Variants in AFG2A observed in about 807,000 individuals in gnomAD.
AFG2A encodes AAA ATPase AFG2A.
the AFG2A span, among the ~76,000 whole-genome samples, chr4:123,038,746 C>T: frequency 6.6e-6 from 1 of 152,008 alleles, no homozygotes; most frequent in South Asian, 2.1e-4. Context: ...TTGAATTATT[C>T]CAATGCGTAT....
the AFG2A span, among the ~76,000 whole-genome samples, chr4:123,296,292 A>G: frequency 6.6e-6 from 1 of 152,230 alleles, no homozygotes. Context: ...AGGAAGCAAA[A>G]TAAGGAATAT....
chr4:123,204,127 G>C, the AFG2A span, among the ~76,000 whole-genome samples: 1 of 152,098 alleles, frequency 6.6e-6, no homozygotes, highest in Non-Finnish European at 1.5e-5. Flanking sequence ...AGGTAGTTCT[G>C]TTTTAAGGTC....
At chr4:123,034,196 A>G in the AFG2A span, among the ~76,000 whole-genome samples, 5 of 152,138 alleles carry the variant, frequency 3.3e-5, no homozygotes, top group African/African-American at 9.7e-5. Context: ...AGGGCTAACT[A>G]TGTGTCCTCA....
the AFG2A span, among the ~76,000 whole-genome samples, chr4:123,280,690 A>G: frequency 8.5e-5 from 13 of 152,166 alleles, no homozygotes; most frequent in East Asian, 2.3e-3. Flanking sequence ...CCTGTTCCAC[A>G]TTTAAAGGAC....
At chr4:123,235,948 T>C in the AFG2A span, among the ~76,000 whole-genome samples, 1 of 152,208 alleles carries the variant, frequency 6.6e-6, no homozygotes, top group Non-Finnish European at 1.5e-5. Flanking sequence ...CTTAAGTGGA[T>C]ACATTTTAAA....
At chr4:122,994,702 G>A in the AFG2A span, among the ~76,000 whole-genome samples, 1 of 151,222 alleles carries the variant, frequency 6.6e-6, no homozygotes, top group Non-Finnish European at 1.5e-5. Flanking sequence ...ATTTTCTTGT[G>A]AACGCAGTTT....
chr4:122,939,270 A>G, the AFG2A span, among the ~76,000 whole-genome samples: 1 of 151,704 alleles, frequency 6.6e-6, no homozygotes, highest in Non-Finnish European at 1.5e-5. Context: ...TTTTTAGTAG[A>G]GACGGGGTTT....
chr4:123,093,347 T>C, the AFG2A span, among the ~76,000 whole-genome samples: 1 of 151,826 alleles, frequency 6.6e-6, no homozygotes, highest in Non-Finnish European at 1.5e-5. Context: ...TTAACACAAA[T>C]TGATTCTATG....
chr4:123,113,238 G>T, the AFG2A span, among the ~76,000 whole-genome samples: 1 of 152,258 alleles, frequency 6.6e-6, no homozygotes, highest in South Asian at 2.1e-4. Context: ...TGGGATCTTT[G>T]CTAGGAGGAT....
the AFG2A span, among the ~76,000 whole-genome samples, chr4:123,117,070 G>A: frequency 4.6e-5 from 7 of 152,180 alleles, no homozygotes; most frequent in African/African-American, 1.7e-4. Context: ...CCAAGCCTCA[G>A]TTAACACATC....
chr4:122,990,849 A>G, the AFG2A span, among the ~76,000 whole-genome samples: 1 of 152,200 alleles, frequency 6.6e-6, no homozygotes, highest in Admixed American at 6.5e-5. Flanking sequence ...TCAGCCTCCC[A>G]AAGTGCTAAA....
the AFG2A span, among the ~76,000 whole-genome samples, chr4:122,945,925 C>T: frequency 6.6e-6 from 1 of 152,132 alleles, no homozygotes; most frequent in African/African-American, 2.4e-5. Flanking sequence ...AGGGTTGTCA[C>T]CTGGTGGAGG....
the AFG2A span, among the ~76,000 whole-genome samples, chr4:122,927,069 T>G: frequency 1.3e-5 from 2 of 152,270 alleles, no homozygotes; most frequent in Admixed American, 6.5e-5. Flanking sequence ...TTCAGAGGTG[T>G]TGTTAACTGG....
the AFG2A span, among the ~76,000 whole-genome samples, chr4:123,026,129 G>A: frequency 3.1e-5 from 3 of 96,360 alleles, no homozygotes; most frequent in Admixed American, 1.1e-4. Flanking sequence ...GTGTGTGTGT[G>A]TGTGTGTATG....
At chr4:123,038,550 C>T in the AFG2A span, among the ~76,000 whole-genome samples, 1 of 152,046 alleles carries the variant, frequency 6.6e-6, no homozygotes, top group Non-Finnish European at 1.5e-5. Flanking sequence ...AAAATAACCT[C>T]CCTTGGTAAT....
At chr4:123,196,167 A>ATTTT in the AFG2A span, among the ~76,000 whole-genome samples, 911 of 79,654 alleles carry the variant, frequency 0.011, 51 homozygotes, top group African/African-American at 0.038. Context: ...TGCCCAGCTA[A>ATTTT]TTTTTTTTTT....
chr4:123,036,570 G>T, the AFG2A span, among the ~76,000 whole-genome samples: 3 of 152,122 alleles, frequency 2.0e-5, no homozygotes, highest in Non-Finnish European at 4.4e-5. Flanking sequence ...AGACAAGTCA[G>T]CAAAGGAGAC....
chr4:123,016,738 G>T, the AFG2A span, among the ~76,000 whole-genome samples: 1 of 151,934 alleles, frequency 6.6e-6, no homozygotes, highest in Non-Finnish European at 1.5e-5. Context: ...GGCAGAGGCT[G>T]CAATCTTGGC....
At chr4:123,246,934 T>A in the AFG2A span, among the ~76,000 whole-genome samples, 2 of 152,226 alleles carry the variant, frequency 1.3e-5, no homozygotes, top group East Asian at 1.9e-4. Context: ...GGAATTTTTT[T>A]AAGAATATGT....
Sources: gnomAD v4.1 joint callset for allele counts (sites outside exome capture counted in the v4.1 genomes callset) on GRCh38, gnomAD v4.1.1 for gene constraint, MANE v1.5 for transcripts, NCBI Gene and HGNC (gene_info 2026-07-23, HGNC 2026-07-21) for gene names.